Variants in ATP8A2 observed in about 807,000 individuals in gnomAD.
ATP8A2 encodes the protein phospholipid-transporting ATPase IB.
ATP8A2 carries 100 observed loss-of-function variants against 165.6 expected under a neutral mutation model. That is an observed-to-expected ratio of 0.60 (90% CI 0.51 to 0.71). The LOEUF is 0.71. ATP8A2 is among the 30% of genes least tolerant of loss of function. ATP8A2 has a pLI of 0.00. For synonymous variants in ATP8A2, 543 were observed against 548.8 expected (o/e 0.99, Z 0.15); for missense variants, 1,227 against 1,479.5 (o/e 0.83, Z 2.80).
intron 25 of ATP8A2, among the ~76,000 whole-genome samples, chr13:25,747,120 A>G (rs2044049598): frequency 6.6e-6 from 1 of 152,224 alleles, no homozygotes; most frequent in Admixed American, 6.5e-5. Context: ...GGAAAGATCT[A>G]AAATAGCAAA....
At chr13:25,662,987 A>G (rs2042082252) in intron 24 of ATP8A2, among the ~76,000 whole-genome samples, 1 of 152,208 alleles carries the variant, frequency 6.6e-6, no homozygotes, top group Non-Finnish European at 1.5e-5. Context: ...CAGGAGATGG[A>G]TATTTGATGG....
At chr13:25,752,361 T>C (rs2138201417) in intron 25 of ATP8A2, among the ~76,000 whole-genome samples, 2 of 152,080 alleles carry the variant, frequency 1.3e-5, no homozygotes, top group African/African-American at 4.8e-5. Context: ...CTTGGGGGAC[T>C]GAGGCAGGAG....
At chr13:25,556,130 A>G (rs2038973292) in intron 13 of ATP8A2, among the ~76,000 whole-genome samples, 1 of 152,234 alleles carries the variant, frequency 6.6e-6, no homozygotes. Context: ...ATATATACCC[A>G]GTAATGGGAT....
chr13:25,655,009 A>T (rs1230546122), intron 24 of ATP8A2, among the ~76,000 whole-genome samples: 1 of 152,162 alleles, frequency 6.6e-6, no homozygotes, highest in Non-Finnish European at 1.5e-5. Context: ...GACTGGGTTA[A>T]TCTCTTAGTG....
At chr13:25,927,331 G>GT (rs1009631137) in intron 33 of ATP8A2, 98 of 375,846 alleles carry the variant, frequency 2.6e-4, no homozygotes, top group African/African-American at 1.9e-3. Context: ...TCAGTGTTTG[G>GT]TTTTTTTCTT....
At chr13:25,920,435 G>A (rs554721188) in intron 33 of ATP8A2, among the ~76,000 whole-genome samples, 1 of 152,276 alleles carries the variant, frequency 6.6e-6, no homozygotes, top group South Asian at 2.1e-4. Flanking sequence ...CTCGGCACTT[G>A]TGAAAAAGAT....
chr13:26,023,056 T>A lies in ATP8A2; in HGVS notation c.*3071T>A, dbSNP rs1414531400. ...GCACACTGACACGTGCCAGCAAGGGTAGCTGTGGAAAACACGTATCAGGAG... is the reference window on the plus strand; with the variant it reads ...GCACACTGACACGTGCCAGCAAGGGAAGCTGTGGAAAACACGTATCAGGAG... On this transcript the variant is annotated 3_prime_UTR_variant, in exon 37 of 37. Coordinates refer to ENST00000381655, the MANE Select transcript of ATP8A2 (RefSeq NM_016529.6). 2.0e-5 allele frequency: 3 copies of A among 152,168 alleles called. No individual in the cohort carries two copies. Among genetic ancestry groups the A allele is most frequent in the African/African-American group, 4.8e-5 (2 of 41,424 alleles). 9.4% of individuals were successfully genotyped at this position (152,168 alleles called of 1,614,324 possible).
intron 24 of ATP8A2, among the ~76,000 whole-genome samples, chr13:25,668,196 T>A (rs2042193575): frequency 6.6e-6 from 1 of 152,192 alleles, no homozygotes; most frequent in Non-Finnish European, 1.5e-5. Flanking sequence ...CCTGAAGTAT[T>A]TCTCTTTAGC....
intron 10 of ATP8A2, among the ~76,000 whole-genome samples, chr13:25,546,307 T>G (rs2038647374): frequency 6.6e-6 from 1 of 152,220 alleles, no homozygotes; most frequent in African/African-American, 2.4e-5. Context: ...TGACTGCTCA[T>G]GTATAGAATG....
intron 6 of ATP8A2, 110 bp from the exon 7 acceptor site, chr13:25,537,878 T>C (rs2038338837): frequency 3.1e-6 from 2 of 646,586 alleles, no homozygotes; most frequent in South Asian, 3.1e-5. Flanking sequence ...TTAAACTTCA[T>C]GGCTTAGTTA....
intron 34 of ATP8A2, among the ~76,000 whole-genome samples, chr13:25,964,023 GC>G (rs1343992181): frequency 1.3e-5 from 2 of 152,244 alleles, no homozygotes; most frequent in Non-Finnish European, 1.5e-5. Context: ...CAGTGGAGGT[GC>G]CCGCAGGGCA....
At chr13:25,474,382 A>G (rs1388512842) in intron 2 of ATP8A2, among the ~76,000 whole-genome samples, 1 of 152,078 alleles carries the variant, frequency 6.6e-6, no homozygotes, top group Non-Finnish European at 1.5e-5. Flanking sequence ...TAACATGGTG[A>G]AACCCCGTCT....
intron 2 of ATP8A2, among the ~76,000 whole-genome samples, chr13:25,505,214 G>T: frequency 6.7e-6 from 1 of 148,208 alleles, no homozygotes; most frequent in Non-Finnish European, 1.5e-5. Context: ...GGGGGGGGTG[G>T]TGGTCACAAC....
At chr13:25,769,293 T>C in intron 26 of ATP8A2, 64 bp downstream of exon 26, 1 of 1,521,600 alleles carries the variant, frequency 6.6e-7, no homozygotes, top group Non-Finnish European at 8.9e-7. Context: ...CATGAGGACC[T>C]GGCGTTTAAC....
In ATP8A2 at chr13:25,860,794, AT is replaced by A; in HGVS notation, c.3019-6del. ...ATAATGTGTTTCCAAACTGTCTTTT[AT>A]TTTCACAGTATGTTGTTGTTACTGT... is the stretch of plus-strand genomic sequence containing the variant. On this transcript the variant is annotated splice_polypyrimidine_tract_variant and intron_variant, in intron 31 of 36. Transcript: ENST00000381655. 6.3e-7 allele frequency: 1 copy of A among 1,587,300 alleles called. No homozygotes were observed. Among genetic ancestry groups the A allele is most frequent in the Non-Finnish European group, 8.6e-7 (1 of 1,163,070 alleles).
chr13:26,024,196 A>T lies in ATP8A2; in HGVS notation c.*4211A>T, dbSNP rs1264096462. ...TTTTCCATCCTGAAGGCCAAGAAGG[A>T]CTATTAGAAGGGTTTTTGAGGGGTT... On this transcript the variant is annotated 3_prime_UTR_variant, in exon 37 of 37. Coordinates refer to ENST00000381655, the MANE Select transcript of ATP8A2 (RefSeq NM_016529.6). 6.6e-6 allele frequency: 1 copy of T among 152,188 alleles called. No homozygotes were observed. Among genetic ancestry groups the T allele is most frequent in the African/African-American group, 2.4e-5 (1 of 41,418 alleles). 9.4% of individuals were successfully genotyped at this position (152,188 alleles called of 1,614,324 possible).
rs185453975 is a variant in ATP8A2, at chr13:25,421,563, G to A, written c.77-47414G>A. The stretch of plus-strand genomic sequence containing the variant: ...TTGCCCAGGCTGATCTTGAGCTCCA[G>A]GGCTCCAGTGATTCTCCTGCCTCAG... On this transcript the variant is annotated intron_variant, in intron 1 of 36. Transcript: ENST00000381655. Among the ~76,000 whole-genome samples the A allele has an allele frequency of 3.3e-5, 5 of 152,336 alleles. No individual in the cohort carries two copies. The East Asian group carries it at 9.7e-4, about 29-fold the overall frequency.
chr13:25,591,517 A>T, intron 24 of ATP8A2: 1 of 375,628 alleles, frequency 2.7e-6, no homozygotes, highest in Non-Finnish European at 5.3e-6. Context: ...TTAATATTCC[A>T]TTGCATGCCT....
At chr13:25,513,558 G>A (rs568137523) in intron 2 of ATP8A2, among the ~76,000 whole-genome samples, 6 of 152,212 alleles carry the variant, frequency 3.9e-5, no homozygotes, top group African/African-American at 1.2e-4. Context: ...ACGGGGTGGC[G>A]GCCGGGCAGA....
Sources: gnomAD v4.1 joint callset for allele counts (sites outside exome capture counted in the v4.1 genomes callset) on GRCh38, gnomAD v4.1.1 for gene constraint, MANE v1.5 for transcripts, NCBI Gene and HGNC (gene_info 2026-07-23, HGNC 2026-07-21) for gene names.